The following INSL6 variants were observed in gnomAD, a reference collection of about 807,000 sequenced individuals.
INSL6 encodes the protein insulin-like peptide INSL6.
Under a neutral mutation model 9.4 loss-of-function variants are expected in INSL6, and 16 were observed. The ratio of observed to expected loss-of-function variants is 1.70; its 90% CI spans 1.15 to 2.59. The LOEUF (loss-of-function observed/expected upper bound fraction) is 2.59. INSL6 is among the 30% of genes most tolerant of loss of function. The probability of loss-of-function intolerance (pLI) is 0.00; values close to 1 mark genes in which losing one functional copy is unlikely to be tolerated. For synonymous variants in INSL6, 154 were observed against 96.9 expected (o/e 1.59, Z -3.46); for missense variants, 391 against 257.3 (o/e 1.52, Z -3.56).
the INSL6 span, among the ~76,000 whole-genome samples, chr9:5,048,986 C>G: frequency 2.0e-5 from 3 of 152,078 alleles, no homozygotes; most frequent in African/African-American, 7.2e-5. Context: ...ATTACATGTT[C>G]AGTCAGATTT....
the INSL6 span, among the ~76,000 whole-genome samples, chr9:5,065,755 T>C: frequency 3.3e-5 from 5 of 152,202 alleles, no homozygotes; most frequent in Non-Finnish European, 7.4e-5. Context: ...AGCTAGGATG[T>C]GGTTTATGTT....
At chr9:5,095,636 CT>C in the INSL6 span, among the ~76,000 whole-genome samples, 1 of 152,092 alleles carries the variant, frequency 6.6e-6, no homozygotes, top group Non-Finnish European at 1.5e-5. Flanking sequence ...AAACTAGCCC[CT>C]ATCTCAATTA....
the INSL6 span, chr9:5,044,479 C>T: frequency 1.9e-6 from 3 of 1,612,054 alleles, no homozygotes; most frequent in Admixed American, 1.7e-5. Context: ...TGCTGAAGCT[C>T]CTCTTCTTGA....
the INSL6 span, among the ~76,000 whole-genome samples, chr9:5,040,450 G>T: frequency 1.1e-4 from 17 of 152,174 alleles, no homozygotes; most frequent in African/African-American, 3.9e-4. Context: ...AAATAGTTAA[G>T]TTAGGCTTTA....
the INSL6 span, among the ~76,000 whole-genome samples, chr9:5,034,696 C>T: frequency 6.6e-6 from 1 of 151,832 alleles, no homozygotes; most frequent in Non-Finnish European, 1.5e-5. Flanking sequence ...CCAACGAGAA[C>T]AAAGACACAA....
chr9:5,033,127 A>G, the INSL6 span, among the ~76,000 whole-genome samples: 2 of 152,252 alleles, frequency 1.3e-5, no homozygotes, highest in South Asian at 2.1e-4. Flanking sequence ...GATTCAATCA[A>G]TAGGAAGAAA....
At chr9:5,073,913 T>C in the INSL6 span, 1 of 637,802 alleles carries the variant, frequency 1.6e-6, no homozygotes, top group Non-Finnish European at 2.7e-6. Context: ...TTAAGTATTT[T>C]TGAAACTGAA....
downstream of INSL6, among the ~76,000 whole-genome samples, chr9:5,161,739 T>G (rs182797252): frequency 6.6e-5 from 10 of 152,262 alleles, no homozygotes; most frequent in Admixed American, 4.6e-4. Flanking sequence ...TTCGGTAAAG[T>G]TGCAGGATAC....
chr9:5,184,327 T>C (rs1271936825), intron 1 of INSL6, among the ~76,000 whole-genome samples: 1 of 152,232 alleles, frequency 6.6e-6, no homozygotes. Context: ...AAGGCAGTAA[T>C]CTTCTTCCTA....
At chr9:5,028,923 A>G in the INSL6 span, among the ~76,000 whole-genome samples, 10 of 152,334 alleles carry the variant, frequency 6.6e-5, no homozygotes, top group East Asian at 3.9e-4. Flanking sequence ...CACATCATCA[A>G]TAAGGCTGTT....
the INSL6 span, among the ~76,000 whole-genome samples, chr9:5,043,945 G>A: frequency 6.6e-6 from 1 of 152,154 alleles, no homozygotes; most frequent in Non-Finnish European, 1.5e-5. Context: ...GGACTTTATG[G>A]TATGTGAATT....
chr9:5,086,010 A>G, the INSL6 span: 1 of 822,674 alleles, frequency 1.2e-6, no homozygotes, highest in Non-Finnish European at 2.2e-6. Flanking sequence ...AAACTGTGAT[A>G]TACTATATAC....
chr9:5,072,110 G>C, the INSL6 span, among the ~76,000 whole-genome samples: 3 of 152,188 alleles, frequency 2.0e-5, no homozygotes, highest in Non-Finnish European at 2.9e-5. Context: ...GGTAATAAGA[G>C]AAAGTCAGAT....
intron 2 of INSL6, among the ~76,000 whole-genome samples, chr9:5,156,460 C>G (rs1824815987): frequency 6.6e-6 from 1 of 151,990 alleles, no homozygotes; most frequent in Non-Finnish European, 1.5e-5. Flanking sequence ...CTCAAATGAT[C>G]AGAATAAAGA....
chr9:5,001,082 T>C, the INSL6 span, among the ~76,000 whole-genome samples: 1 of 152,254 alleles, frequency 6.6e-6, no homozygotes, highest in Non-Finnish European at 1.5e-5. Context: ...AATTCATTTA[T>C]AAGTTCTAGT....
At chr9:5,117,404 C>A in the INSL6 span, among the ~76,000 whole-genome samples, 1 of 152,150 alleles carries the variant, frequency 6.6e-6, no homozygotes, top group Non-Finnish European at 1.5e-5. Context: ...TGTTATAGAA[C>A]AGCAGTTCTG....
At chr9:5,112,650 A>G in the INSL6 span, 5 of 1,006,386 alleles carry the variant, frequency 5.0e-6, no homozygotes, top group East Asian at 8.5e-5. Context: ...CCCCAGACCA[A>G]ACTCCTTATC....
At chr9:5,116,777 A>T in the INSL6 span, among the ~76,000 whole-genome samples, 1 of 152,224 alleles carries the variant, frequency 6.6e-6, no homozygotes, top group Non-Finnish European at 1.5e-5. Flanking sequence ...GTGATAGGCA[A>T]ATTCAACTGA....
At chr9:5,141,868 T>C (rs1208957900) in intron 2 of INSL6, among the ~76,000 whole-genome samples, 1 of 152,244 alleles carries the variant, frequency 6.6e-6, no homozygotes, top group Non-Finnish European at 1.5e-5. Flanking sequence ...TATTTAAGTA[T>C]TTAATCCATT....
Sources: allele counts gnomAD v4.1 joint callset (sites outside exome capture counted in the v4.1 genomes callset), GRCh38; gene constraint gnomAD v4.1.1; transcripts MANE v1.5; gene names NCBI Gene and HGNC (gene_info 2026-07-23, HGNC 2026-07-21).